The following SH2B1 variants were observed in gnomAD, a reference collection of about 807,000 sequenced individuals.
SH2B1 encodes SH2B adaptor protein 1.
SH2B1 carries 15 observed loss-of-function variants against 62.6 expected under a neutral mutation model. That is an observed-to-expected ratio of 0.24 (90% CI 0.16 to 0.37). SH2B1 has a LOEUF of 0.37. SH2B1 is among the 10% of genes least tolerant of loss of function. The probability of loss-of-function intolerance (pLI) is 1.00; values close to 1 mark genes in which losing one functional copy is unlikely to be tolerated. For missense variants in SH2B1, 925 were observed against 1,015.6 expected (o/e 0.91, Z 1.21); for synonymous variants, 443 against 438.0 (o/e 1.01, Z -0.14).
chr16:28,868,899 C>A, intron 2 of SH2B1, 107 bp from the exon 3 acceptor site: 1 of 869,066 alleles, frequency 1.2e-6, no homozygotes, highest in Admixed American at 1.7e-5. Context: ...AGAGAGAATT[C>A]GAATGCATCT....
At chr16:28,850,384 C>G (rs538701936) in intron 1 of SH2B1, among the ~76,000 whole-genome samples, 15 of 152,248 alleles carry the variant, frequency 9.9e-5, no homozygotes, top group African/African-American at 3.4e-4. Flanking sequence ...AATAGTGAGA[C>G]CTTGTCTCTA....
rs752084804 is a variant in SH2B1, at chr16:28,866,420, A to G, written c.326A>G (p.Glu109Gly). The G allele has an allele frequency of 6.2e-7, 1 of 1,613,832 alleles. No homozygotes were observed. Among genetic ancestry groups the G allele is most frequent in the East Asian group, 2.2e-5 (1 of 44,846 alleles). The change falls in exon 1 of 8, where the codon GAG (glutamate) becomes GGG (glycine). Residue 109 changes from glutamate (E) to glycine (G), a missense_variant. Glu to Gly is a moderately conservative substitution (Grantham distance 98). Coordinates refer to ENST00000684370, the MANE Select transcript of SH2B1 (RefSeq NM_001387430.1). The surrounding 1 kb of genome is among the most constrained non-coding windows in gnomAD (Gnocchi z 6.3). Reference protein sequence around the residue: ...AEISPHDLSLESCRVGGPLAV... With the variant: ...AEISPHDLSLGSCRVGGPLAV... Reference sequence around the variant, plus strand: ...ATTTCGCCACATGACCTGTCCCTTGAGAGCTGCAGGGTGGGTGGGCCCCTG... The same window carrying G: ...ATTTCGCCACATGACCTGTCCCTTGGGAGCTGCAGGGTGGGTGGGCCCCTG...
In SH2B1 at chr16:28,852,797, C is replaced by T. The variant is rs867079045; in HGVS notation, c.-301+5970C>T. Among the ~76,000 whole-genome samples the T allele has an allele frequency of 4.9e-3, 300 of 60,814 alleles. 28 individuals are homozygous for T. The highest frequency in any genetic ancestry group is 0.02 in the African/African-American group (208 of 10,352). The allele number at this position is 60,814 out of a possible 152,430, so 39.9% of individuals were successfully genotyped here. On this transcript the variant is annotated intron_variant, in intron 1 of 10. Coordinates refer to the SH2B1 transcript ENST00000322610. ...ATATATATATTTACATATATATTTA[C>T]ATATATATTTACATATATTTACATA...
intron 1 of SH2B1, among the ~76,000 whole-genome samples, chr16:28,858,549 T>A (rs1221994472): frequency 6.6e-6 from 1 of 152,092 alleles, no homozygotes; most frequent in African/African-American, 2.4e-5. Flanking sequence ...AAGGAACTTC[T>A]GAGTAACAGA....
chr16:28,872,509 C>A lies in SH2B1; in HGVS notation c.1726-25C>A. ...ACCTGGCAGGGCCTTTGCCTCCTAC[C>A]TCACCTCCCCCATCCCGCCCTCAGC... On this transcript the variant is annotated intron_variant, in intron 6 of 7. Transcript: ENST00000684370. This position sits in a 1 kb window ranked among gnomAD's most constrained non-coding sequence, Gnocchi z 5.3. 6.3e-7 allele frequency: 1 copy of A among 1,597,460 alleles called. No homozygotes were observed. Among genetic ancestry groups the A allele is most frequent in the South Asian group, 1.1e-5 (1 of 88,602 alleles).
chr16:28,873,127 T>A lies in SH2B1; in HGVS notation c.1898-320T>A. 7.9e-7 allele frequency: 1 copy of A among 1,259,772 alleles called. No homozygotes were observed. Among genetic ancestry groups the A allele is most frequent in the Non-Finnish European group, 1.1e-6 (1 of 911,054 alleles). 78.0% of individuals were successfully genotyped at this position (1,259,772 alleles called of 1,614,324 possible). ...CCCTGTCTGATCTCTCCCTTTCCCC[T>A]GCCCCACCGTCCCATCTGTCCCCAC... On this transcript the variant is annotated intron_variant, in intron 7 of 7. Coordinates refer to ENST00000684370, the MANE Select transcript of SH2B1 (RefSeq NM_001387430.1). This position sits in a 1 kb window ranked among gnomAD's most constrained non-coding sequence, Gnocchi z 4.2.
intron 1 of SH2B1, among the ~76,000 whole-genome samples, chr16:28,852,979 A>ATATTT (rs1288708749): frequency 1.5e-5 from 1 of 65,236 alleles, no homozygotes; most frequent in Non-Finnish European, 2.7e-5. Flanking sequence ...ATGTACATAT[A>ATATTT]TATTTTATAT....
chr16:28,873,365 T>C lies in SH2B1; in HGVS notation c.1898-82T>C. 1 of 1,582,766 alleles carries C rather than the reference T, an allele frequency of 6.3e-7. No homozygotes were observed. Among genetic ancestry groups the C allele is most frequent in the Non-Finnish European group, 8.5e-7 (1 of 1,170,298 alleles). The stretch of plus-strand genomic sequence containing the variant: ...GGATGTGGGGAGACAGCCACGCTCC[T>C]GGGGGGCTGAGTGAAGGGGAGGCCA... On this transcript the variant is annotated intron_variant, in intron 7 of 7. Coordinates refer to ENST00000684370, the MANE Select transcript of SH2B1 (RefSeq NM_001387430.1). This position sits in a 1 kb window ranked among gnomAD's most constrained non-coding sequence, Gnocchi z 4.2.
Position 28,863,881 on chromosome 16 carries a change from GCAGGGAGCGGGAGCCGCCGC to G in SH2B1, c.-2212_-2193del. Reference sequence around the variant, plus strand: ...CGCTCGTCGCGTAGTGGGTGGGGGCGCAGGGAGCGGGAGCCGCCGCCGCCGCCGCCGCCGCCGGAGCTAAC... The same window carrying G: ...CGCTCGTCGCGTAGTGGGTGGGGGCGCGCCGCCGCCGCCGCCGGAGCTAAC... On this transcript the variant is annotated 5_prime_UTR_variant, in exon 1 of 8. Coordinates refer to ENST00000684370, the MANE Select transcript of SH2B1 (RefSeq NM_001387430.1). 1 of 1,505,732 alleles carries G rather than the reference GCAGGGAGCGGGAGCCGCCGC, an allele frequency of 6.6e-7. No individual in the cohort carries two copies. The highest frequency in any genetic ancestry group is 8.8e-7 in the Non-Finnish European group (1 of 1,133,444). The allele number at this position is 1,505,732 out of a possible 1,614,324, so 93.3% of individuals were successfully genotyped here.
chr16:28,855,639 A>ATTT (rs1413780026), intron 1 of SH2B1, among the ~76,000 whole-genome samples: 1 of 140,216 alleles, frequency 7.1e-6, no homozygotes, highest in Non-Finnish European at 1.6e-5. Context: ...TTATTTATTT[A>ATTT]TTTATTTATT....
intron 1 of SH2B1, among the ~76,000 whole-genome samples, chr16:28,850,543 G>A (rs1667245104): frequency 6.6e-6 from 1 of 152,084 alleles, no homozygotes; most frequent in Non-Finnish European, 1.5e-5. Flanking sequence ...TCCAGCCTGT[G>A]TGACAGTGCC....
upstream of SH2B1, chr16:28,863,243 T>C (rs1053825781): frequency 6.0e-6 from 1 of 166,094 alleles, no homozygotes; most frequent in African/African-American, 2.4e-5. Flanking sequence ...GACCTCATTA[T>C]TTCTACCCAC....
At position 28,872,923 on chromosome 16, in the gene SH2B1, G is replaced by C; in HGVS notation, c.1897+218G>C. ...GAAGGCTCCTGGCCGGAGCCGGGGCGGCAGCTGAGAGGTGGGCGGGCGCAT... is the reference window on the plus strand; with the variant it reads ...GAAGGCTCCTGGCCGGAGCCGGGGCCGCAGCTGAGAGGTGGGCGGGCGCAT... On this transcript the variant is annotated intron_variant, in intron 7 of 7. Transcript: ENST00000684370. This position sits in a 1 kb window ranked among gnomAD's most constrained non-coding sequence, Gnocchi z 5.3. The C allele has an allele frequency of 1.4e-6, 1 of 694,324 alleles. No individual in the cohort carries two copies. Among genetic ancestry groups the C allele is most frequent in the Non-Finnish European group, 2.4e-6 (1 of 412,636 alleles). 43.0% of individuals were successfully genotyped at this position (694,324 alleles called of 1,614,324 possible). A position where few individuals can be genotyped will look rare whatever the true frequency, so the allele number is the denominator to read the frequency against.
chr16:28,853,338 G>A (rs1008613562), intron 1 of SH2B1, among the ~76,000 whole-genome samples: 8 of 148,750 alleles, frequency 5.4e-5, no homozygotes, highest in Admixed American at 6.8e-5. Flanking sequence ...CAAGTAGCTG[G>A]GATTACAGGC....
At chr16:28,846,768 G>A (rs1961981305) in exon 1 of SH2B1, 1 of 158,260 alleles carries the variant, frequency 6.3e-6, no homozygotes, top group Admixed American at 6.3e-5. Flanking sequence ...CGAGTCCCCC[G>A]GAGTCCGACT....
upstream of SH2B1, among the ~76,000 whole-genome samples, chr16:28,860,393 A>C (rs1198806982): frequency 1.3e-5 from 2 of 152,076 alleles, no homozygotes; most frequent in South Asian, 4.1e-4. Flanking sequence ...CTGGGATTAC[A>C]GGTGCGTGCC....
Position 28,872,571 on chromosome 16 carries a change from G to A in SH2B1, c.1763G>A (p.Arg588Gln), listed in dbSNP as rs1963104410. The change falls in exon 7 of 8, where the codon CGG becomes CAG. Residue 588 changes from arginine (R) to glutamine (Q), a missense_variant. Around this residue, in one of 3 missense-constraint regions of SH2B1, gnomAD observed 57 missense variants for 122.1 expected, o/e 0.47. Coordinates refer to ENST00000684370, the MANE Select transcript of SH2B1 (RefSeq NM_001387430.1). This position sits in a 1 kb window ranked among gnomAD's most constrained non-coding sequence, Gnocchi z 5.3. ...TCGCTGAACGAGGAGGGTCAGTGCC[G>A]GGTCCAGCACCTGTGGTTCCAGTCC... ...RLSLNEEGQC[R>Q]VQHLWFQSIF... 2 of 1,613,826 alleles carry A rather than the reference G, an allele frequency of 1.2e-6. No individual in the cohort carries two copies. The highest frequency in any genetic ancestry group is 1.7e-6 in the Non-Finnish European group (2 of 1,179,756).
chr16:28,872,172 CCTCT>C lies in SH2B1; in HGVS notation c.1514-14_1514-11del, dbSNP rs1596632450. ...CTGCCCTGACACCCCGGTTTCCCTC[CCTCT>C]CTCCTTCCTGAAGGGTCCTTCCTGT... On this transcript the variant is annotated splice_polypyrimidine_tract_variant and intron_variant, in intron 5 of 7. Transcript: ENST00000684370. This position sits in a 1 kb window ranked among gnomAD's most constrained non-coding sequence, Gnocchi z 5.3. 1 of 1,606,084 alleles carries C rather than the reference CCTCT, an allele frequency of 6.2e-7. No individual in the cohort carries two copies. The highest frequency in any genetic ancestry group is 1.3e-5 in the African/African-American group (1 of 74,822).
chr16:28,849,256 T>C (rs960932397), intron 1 of SH2B1, among the ~76,000 whole-genome samples: 3 of 152,032 alleles, frequency 2.0e-5, no homozygotes, highest in African/African-American at 7.2e-5. Flanking sequence ...CCACCACACC[T>C]GGCTAATTTT....
Sources: gnomAD v4.1 joint callset for allele counts (sites outside exome capture counted in the v4.1 genomes callset) on GRCh38, gnomAD v4.1.1 for gene constraint, gnomAD v4.1.1 regional missense constraint, Gnocchi (gnomAD v3.1) non-coding constraint, MANE v1.5 for transcripts, NCBI Gene and HGNC (gene_info 2026-07-23, HGNC 2026-07-21) for gene names.